PEX5L: variants seen among roughly 807,000 people sequenced by gnomAD.
The protein encoded by PEX5L is peroxisomal biogenesis factor 5 like.
A neutral mutation model predicts 84.0 loss-of-function variants in PEX5L; 30 were observed. That is an observed-to-expected ratio of 0.36 (90% CI 0.27 to 0.48). The LOEUF (loss-of-function observed/expected upper bound fraction) is 0.48. PEX5L is among the 20% of genes least tolerant of loss of function. The probability of loss-of-function intolerance (pLI) is 0.99; values close to 1 mark genes in which losing one functional copy is unlikely to be tolerated. For missense variants in PEX5L, 533 were observed against 754.6 expected (o/e 0.71, Z 3.44); for synonymous variants, 270 against 283.1 (o/e 0.95, Z 0.46).
At chr3:179,954,742 T>C (rs746595345) in intron 2 of PEX5L, among the ~76,000 whole-genome samples, 2 of 152,148 alleles carry the variant, frequency 1.3e-5, no homozygotes, top group Non-Finnish European at 2.9e-5. Context: ...TGACTAGCTA[T>C]GTGACTCTTT....
At chr3:180,001,328 T>C (rs1171465461) in intron 1 of PEX5L, among the ~76,000 whole-genome samples, 1 of 148,098 alleles carries the variant, frequency 6.8e-6, no homozygotes, top group Non-Finnish European at 1.5e-5. Context: ...TATTCATATA[T>C]ATATATAAAA....
At chr3:179,907,553 A>T (rs1448717827) in intron 2 of PEX5L, among the ~76,000 whole-genome samples, 2 of 152,016 alleles carry the variant, frequency 1.3e-5, no homozygotes, top group East Asian at 3.9e-4. Flanking sequence ...GCCTCAAGTG[A>T]TCCTCCTGTC....
At chr3:179,972,468 G>A (rs1237188764) in intron 1 of PEX5L, among the ~76,000 whole-genome samples, 3 of 151,652 alleles carry the variant, frequency 2.0e-5, no homozygotes, top group Non-Finnish European at 1.5e-5. Flanking sequence ...CCAACGCAAC[G>A]GTTGATGAGA....
At chr3:179,891,499 T>C (rs958566221) in intron 3 of PEX5L, among the ~76,000 whole-genome samples, 1 of 152,140 alleles carries the variant, frequency 6.6e-6, no homozygotes, top group Non-Finnish European at 1.5e-5. Flanking sequence ...ACAGGAGATA[T>C]TATGAAGATA....
intron 1 of PEX5L, among the ~76,000 whole-genome samples, chr3:180,007,404 C>A (rs913166526): frequency 6.6e-6 from 1 of 152,240 alleles, no homozygotes; most frequent in Non-Finnish European, 1.5e-5. Flanking sequence ...CATTGCATGT[C>A]TGCGGCTTTT....
chr3:179,978,512 TACTA>T (rs1786022496), intron 1 of PEX5L, among the ~76,000 whole-genome samples: 1 of 152,196 alleles, frequency 6.6e-6, no homozygotes, highest in Non-Finnish European at 1.5e-5. Flanking sequence ...ACCTAGATTC[TACTA>T]ACTTTTATTA....
intron 2 of PEX5L, among the ~76,000 whole-genome samples, chr3:179,952,893 C>A (rs1053906593): frequency 2.0e-5 from 3 of 151,982 alleles, no homozygotes; most frequent in African/African-American, 7.3e-5. Flanking sequence ...GGTACCGGTA[C>A]CAAAACAGAT....
chr3:179,828,793 G>A (rs1289724092), intron 8 of PEX5L, among the ~76,000 whole-genome samples: 1 of 151,972 alleles, frequency 6.6e-6, no homozygotes, highest in Non-Finnish European at 1.5e-5. Context: ...TGTATCCTGC[G>A]ACCAGCTTTC....
chr3:179,882,167 A>G (rs1754362201), intron 4 of PEX5L, among the ~76,000 whole-genome samples: 1 of 152,238 alleles, frequency 6.6e-6, no homozygotes. Context: ...CTAATTGTAC[A>G]AACAATTAAG....
chr3:179,927,198 T>C (rs1771706100), intron 2 of PEX5L, among the ~76,000 whole-genome samples: 1 of 152,194 alleles, frequency 6.6e-6, no homozygotes, highest in South Asian at 2.1e-4. Context: ...AGTGAAGGAC[T>C]CGGGTTCTTC....
chr3:179,951,419 G>T (rs76074718), intron 2 of PEX5L, among the ~76,000 whole-genome samples: 1,535 of 152,116 alleles, frequency 0.01, 31 homozygotes, highest in African/African-American at 0.036. Context: ...TCTGGGCAAT[G>T]AAGTATAAGC....
intron 1 of PEX5L, among the ~76,000 whole-genome samples, chr3:180,025,904 T>C (rs898008639): frequency 5.3e-5 from 8 of 152,306 alleles, no homozygotes; most frequent in South Asian, 2.1e-4. Flanking sequence ...TATGAAGTCA[T>C]CACAATGTGT....
chr3:180,024,377 C>CA (rs1367628311), intron 1 of PEX5L, among the ~76,000 whole-genome samples: 43 of 99,502 alleles, frequency 4.3e-4, no homozygotes, highest in African/African-American at 1.6e-3. Flanking sequence ...TATATATACA[C>CA]ACACAAAAAA....
chr3:180,004,002 TC>T (rs1026574848), intron 1 of PEX5L, among the ~76,000 whole-genome samples: 18 of 152,082 alleles, frequency 1.2e-4, no homozygotes, highest in African/African-American at 4.1e-4. Flanking sequence ...CTTATGTTTG[TC>T]CCCCCGCCCA....
At chr3:179,919,283 T>G (rs1173848163) in intron 2 of PEX5L, among the ~76,000 whole-genome samples, 2 of 152,212 alleles carry the variant, frequency 1.3e-5, no homozygotes, top group Non-Finnish European at 2.9e-5. Context: ...TGGGTTTGCT[T>G]AACTTTGAAG....
At chr3:179,903,651 T>A (rs746113196) in intron 2 of PEX5L, among the ~76,000 whole-genome samples, 2 of 152,196 alleles carry the variant, frequency 1.3e-5, no homozygotes, top group Non-Finnish European at 2.9e-5. Context: ...AGAAGCAGGA[T>A]AATCTTCTTT....
intron 8 of PEX5L, among the ~76,000 whole-genome samples, chr3:179,844,197 C>T (rs956655501): frequency 6.6e-6 from 1 of 152,184 alleles, no homozygotes; most frequent in Non-Finnish European, 1.5e-5. Flanking sequence ...TCACCCATTT[C>T]AGGCAACCTG....
chr3:179,853,932 C>A (rs1385859942), intron 8 of PEX5L, among the ~76,000 whole-genome samples: 3 of 151,060 alleles, frequency 2.0e-5, no homozygotes, highest in Non-Finnish European at 4.4e-5. Flanking sequence ...CCACCTCAGC[C>A]TCCTGAGTAT....
intron 1 of PEX5L, among the ~76,000 whole-genome samples, chr3:180,013,145 C>T (rs892039924): frequency 1.3e-5 from 2 of 152,114 alleles, no homozygotes; most frequent in African/African-American, 4.8e-5. Context: ...ACTGAACATG[C>T]ACAGATTATT....
Sources: gnomAD v4.1 joint callset for allele counts (sites outside exome capture counted in the v4.1 genomes callset) on GRCh38, gnomAD v4.1.1 for gene constraint, MANE v1.5 for transcripts, NCBI Gene and HGNC (gene_info 2026-07-23, HGNC 2026-07-21) for gene names.